Variants in DSG4 observed in about 807,000 individuals in gnomAD.
DSG4 encodes the protein desmoglein-4.
DSG4 carries 87 observed loss-of-function variants against 93.1 expected under a neutral mutation model. The ratio of observed to expected loss-of-function variants is 0.93; its 90% CI spans 0.79 to 1.12. The LOEUF (loss-of-function observed/expected upper bound fraction) is 1.12, where lower values mean the gene tolerates loss of function less well. Among genes scored for constraint, DSG4 ranks in the 50% most tolerant of loss-of-function variants. The probability of loss-of-function intolerance (pLI) is 0.00; values close to 1 mark genes in which losing one functional copy is unlikely to be tolerated. For missense variants in DSG4, 1,373 were observed against 1,285.7 expected (o/e 1.07, Z -1.04); for synonymous variants, 432 against 452.9 (o/e 0.95, Z 0.59).
intron 12 of DSG4, among the ~76,000 whole-genome samples, chr18:31,408,995 G>A (rs2072456173): frequency 6.6e-6 from 1 of 152,212 alleles, no homozygotes; most frequent in East Asian, 1.9e-4. Flanking sequence ...AATTTAGTGA[G>A]TATTATTTGA....
In DSG4 at chr18:31,409,742, C is replaced by T; in HGVS notation, c.2074-3C>T. The T allele has an allele frequency of 6.2e-7, 1 of 1,614,102 alleles. No homozygotes were observed. The highest frequency in any genetic ancestry group is 1.1e-5 in the South Asian group (1 of 91,070). ...TTTTTAAAATGTTTATTTTTCTTTTCAGGATGTGTCAAATATATGTGCACC... is the reference window on the plus strand; with the variant it reads ...TTTTTAAAATGTTTATTTTTCTTTTTAGGATGTGTCAAATATATGTGCACC... On this transcript the variant is annotated splice_polypyrimidine_tract_variant and splice_region_variant and intron_variant, in intron 13 of 15. Coordinates refer to ENST00000308128, the MANE Select transcript of DSG4 (RefSeq NM_177986.5).
At chr18:31,397,407 G>A (rs2072317473) in intron 8 of DSG4, among the ~76,000 whole-genome samples, 1 of 152,144 alleles carries the variant, frequency 6.6e-6, no homozygotes, top group East Asian at 1.9e-4. Context: ...AGACTCCAGA[G>A]TAAACCATTG....
intron 10 of DSG4, among the ~76,000 whole-genome samples, chr18:31,402,916 T>C (rs112534856): frequency 1.3e-3 from 197 of 152,286 alleles, no homozygotes; most frequent in Non-Finnish European, 2.3e-3. Context: ...ACAGATGCAA[T>C]TAAAATAAAC....
At chr18:31,395,635 C>A (rs2072297602) in intron 8 of DSG4, among the ~76,000 whole-genome samples, 1 of 152,138 alleles carries the variant, frequency 6.6e-6, no homozygotes, top group Non-Finnish European at 1.5e-5. Context: ...TCGGGATACC[C>A]CTTAACCCTG....
chr18:31,391,723 A>C (rs2072252143), intron 7 of DSG4, among the ~76,000 whole-genome samples: 1 of 152,040 alleles, frequency 6.6e-6, no homozygotes, highest in Non-Finnish European at 1.5e-5. Context: ...AGCTGTCCTC[A>C]TGCCTTTACA....
At chr18:31,404,361 TTAAGAATAA>T (rs2072402134) in intron 11 of DSG4, among the ~76,000 whole-genome samples, 1 of 152,194 alleles carries the variant, frequency 6.6e-6, no homozygotes, top group South Asian at 2.1e-4. Flanking sequence ...TCGATAAAAA[TTAAGAATAA>T]ATTTCAGATA....
intron 11 of DSG4, among the ~76,000 whole-genome samples, chr18:31,405,212 T>G (rs1388651357): frequency 6.6e-6 from 1 of 152,230 alleles, no homozygotes; most frequent in Non-Finnish European, 1.5e-5. Flanking sequence ...ACTCCTTGTA[T>G]TAATAAATAA....
At chr18:31,387,368 A>G (rs1297650580) in intron 3 of DSG4, among the ~76,000 whole-genome samples, 2 of 152,164 alleles carry the variant, frequency 1.3e-5, no homozygotes, top group Non-Finnish European at 2.9e-5. Flanking sequence ...CTTTCTGGAC[A>G]TCTTGATCCT....
At chr18:31,383,906 C>T (rs2072161289) in intron 1 of DSG4, among the ~76,000 whole-genome samples, 2 of 152,036 alleles carry the variant, frequency 1.3e-5, no homozygotes, top group South Asian at 4.1e-4. Context: ...TTGTTTTCAA[C>T]AAAATTAAAA....
intron 14 of DSG4, among the ~76,000 whole-genome samples, chr18:31,410,691 T>C (rs1228852642): frequency 2.0e-5 from 3 of 152,216 alleles, no homozygotes; most frequent in African/African-American, 7.2e-5. Flanking sequence ...ATGGCAATGA[T>C]TGCACCAAAC....
chr18:31,388,308 A>G (rs939846540), intron 3 of DSG4, 59 bp from the exon 4 acceptor site: 4 of 1,592,800 alleles, frequency 2.5e-6, no homozygotes, highest in Non-Finnish European at 3.4e-6. Flanking sequence ...TTATTCCACT[A>G]CACTCTTAAG....
At chr18:31,411,557 C>T (rs1257074029) in intron 15 of DSG4, 109 bp downstream of exon 15, 1 of 1,294,268 alleles carries the variant, frequency 7.7e-7, no homozygotes, top group Non-Finnish European at 1.1e-6. Flanking sequence ...TTATTCTCAA[C>T]CCTATCCCAA....
chr18:31,379,352 A>T (rs749020782), intron 1 of DSG4, among the ~76,000 whole-genome samples: 1 of 152,214 alleles, frequency 6.6e-6, no homozygotes, highest in Admixed American at 6.5e-5. Flanking sequence ...CAATTCTAAA[A>T]TTATCTCCAC....
intron 15 of DSG4, 149 bp downstream of exon 15, chr18:31,411,597 TA>T: frequency 9.7e-7 from 1 of 1,036,030 alleles, no homozygotes; most frequent in African/African-American, 1.6e-5. Context: ...CACGTCTCCT[TA>T]AAACACAAAA....
chr18:31,406,374 G>A lies in DSG4; in HGVS notation c.1933+1G>A. 6.2e-7 allele frequency: 1 copy of A among 1,614,100 alleles called. No individual in the cohort carries two copies. The highest frequency in any genetic ancestry group is 1.3e-5 in the African/African-American group (1 of 75,036). On this transcript the variant is annotated splice_donor_variant, in intron 12 of 15. Transcript: ENST00000308128. LOFTEE classifies it high-confidence loss of function. ...GTTCTGGGCATCCTGCTACTGATTT[G>A]TAAGTACTCAATTAAATCCTTCTTT... is the stretch of plus-strand genomic sequence containing the variant.
chr18:31,400,762 A>G, intron 9 of DSG4, 119 bp from the exon 10 acceptor site: 1 of 998,572 alleles, frequency 1.0e-6, no homozygotes, highest in Non-Finnish European at 1.5e-6. Context: ...AACCAAGGCA[A>G]TCATCACTAT....
intron 1 of DSG4, among the ~76,000 whole-genome samples, chr18:31,378,091 A>T (rs1458418694): frequency 2.0e-5 from 3 of 152,218 alleles, no homozygotes; most frequent in African/African-American, 2.4e-5. Flanking sequence ...AAGGGCACAC[A>T]ACCCCAAGCT....
chr18:31,404,647 C>T (rs976193519), intron 11 of DSG4, among the ~76,000 whole-genome samples: 7 of 152,134 alleles, frequency 4.6e-5, no homozygotes, highest in Admixed American at 2.0e-4. Context: ...GGGGAAAATA[C>T]CACCAATAAA....
intron 12 of DSG4, 65 bp downstream of exon 12, chr18:31,406,438 TG>T (rs1042988907): frequency 3.1e-5 from 50 of 1,600,338 alleles, no homozygotes; most frequent in Admixed American, 1.0e-4. Context: ...CGAGGCTCGC[TG>T]GGATGGTTAG....
Sources: allele counts gnomAD v4.1 joint callset (sites outside exome capture counted in the v4.1 genomes callset), GRCh38; gene constraint gnomAD v4.1.1; transcripts MANE v1.5; gene names NCBI Gene and HGNC (gene_info 2026-07-23, HGNC 2026-07-21).